CNBD1: variants seen among roughly 807,000 people sequenced by gnomAD.
CNBD1 encodes cyclic nucleotide binding domain containing 1.
CNBD1 carries 71 observed loss-of-function variants against 54.4 expected under a neutral mutation model. The observed-to-expected ratio is 1.30, with a 90% CI of 1.08 to 1.59. The LOEUF (loss-of-function observed/expected upper bound fraction) is 1.59, where lower values mean the gene tolerates loss of function less well. Ranked by LOEUF, CNBD1 falls within the 40% of genes most tolerant of loss-of-function variation. The probability of loss-of-function intolerance (pLI) is 0.00; values close to 1 mark genes in which losing one functional copy is unlikely to be tolerated. For missense variants in CNBD1, 659 were observed against 518.0 expected (o/e 1.27, Z -2.64); for synonymous variants, 182 against 170.7 (o/e 1.07, Z -0.51).
chr8:87,325,795 C>T (rs1809654847), intron 8 of CNBD1, among the ~76,000 whole-genome samples: 1 of 149,248 alleles, frequency 6.7e-6, no homozygotes, highest in Non-Finnish European at 1.5e-5. Flanking sequence ...AGCATTTAGT[C>T]CATTTACATT....
intron 4 of CNBD1, among the ~76,000 whole-genome samples, chr8:87,064,499 T>C (rs1362586875): frequency 6.6e-6 from 1 of 151,940 alleles, no homozygotes; most frequent in Non-Finnish European, 1.5e-5. Flanking sequence ...GAATTACATG[T>C]TACTTTTCTG....
intron 6 of CNBD1, among the ~76,000 whole-genome samples, chr8:87,242,335 C>A (rs991323068): frequency 1.3e-5 from 2 of 152,086 alleles, no homozygotes; most frequent in African/African-American, 4.8e-5. Context: ...AATCTGGCAC[C>A]TTTTTAAGTC....
chr8:87,303,007 A>G (rs1356166359), intron 8 of CNBD1, among the ~76,000 whole-genome samples: 9 of 151,744 alleles, frequency 5.9e-5, no homozygotes, highest in Non-Finnish European at 1.0e-4. Context: ...AAATGGAAGA[A>G]CATTCCATGC....
At chr8:86,890,361 G>A (rs947274129) in intron 2 of CNBD1, among the ~76,000 whole-genome samples, 2 of 152,044 alleles carry the variant, frequency 1.3e-5, no homozygotes, top group African/African-American at 4.8e-5. Context: ...TTCGGTGCCT[G>A]CTCTATCTTA....
At chr8:87,289,300 C>T (rs1323937501) in intron 8 of CNBD1, among the ~76,000 whole-genome samples, 1 of 152,116 alleles carries the variant, frequency 6.6e-6, no homozygotes, top group Non-Finnish European at 1.5e-5. Context: ...TAACTTCTTA[C>T]ATCTTCCTAC....
At chr8:87,295,535 G>A (rs1473663220) in intron 8 of CNBD1, among the ~76,000 whole-genome samples, 1 of 151,856 alleles carries the variant, frequency 6.6e-6, no homozygotes, top group Non-Finnish European at 1.5e-5. Context: ...TTTTAATAAT[G>A]GAACACTCAT....
intron 4 of CNBD1, among the ~76,000 whole-genome samples, chr8:86,948,516 T>C (rs753685045): frequency 3.3e-5 from 5 of 152,220 alleles, no homozygotes; most frequent in Non-Finnish European, 5.9e-5. Flanking sequence ...TCAATGATTT[T>C]GAACATCTTT....
intron 1 of CNBD1, among the ~76,000 whole-genome samples, chr8:86,878,257 T>G (rs1808554881): frequency 6.6e-6 from 1 of 152,180 alleles, no homozygotes; most frequent in Non-Finnish European, 1.5e-5. Flanking sequence ...GAGCATATTG[T>G]GCTTAGGTTC....
At chr8:86,984,964 G>A (rs1272770455) in intron 4 of CNBD1, among the ~76,000 whole-genome samples, 3 of 152,008 alleles carry the variant, frequency 2.0e-5, no homozygotes, top group Non-Finnish European at 4.4e-5. Context: ...GGGTCGGGGT[G>A]GAATGACATG....
At chr8:87,332,717 A>G (rs989005492) in intron 8 of CNBD1, among the ~76,000 whole-genome samples, 3 of 151,964 alleles carry the variant, frequency 2.0e-5, no homozygotes, top group Non-Finnish European at 4.4e-5. Context: ...TGAGGTCTCT[A>G]TTATGTTTCA....
chr8:87,250,008 A>T (rs760168099), intron 6 of CNBD1, among the ~76,000 whole-genome samples: 3 of 152,198 alleles, frequency 2.0e-5, no homozygotes, highest in Non-Finnish European at 2.9e-5. Flanking sequence ...TCTGCCCAGC[A>T]AATGAAACAT....
intron 4 of CNBD1, among the ~76,000 whole-genome samples, chr8:86,997,373 A>G (rs1031537993): frequency 3.9e-5 from 6 of 152,170 alleles, no homozygotes; most frequent in Admixed American, 1.3e-4. Flanking sequence ...TAGGGTGTAC[A>G]CTAGGAGGAA....
At chr8:87,342,044 C>G (rs112523814) in intron 8 of CNBD1, among the ~76,000 whole-genome samples, 2,835 of 152,156 alleles carry the variant, frequency 0.019, 88 homozygotes, top group African/African-American at 0.062. Context: ...GAGGCCGAGG[C>G]GGGCAGATCA....
At chr8:87,031,541 G>A (rs1044347221) in intron 4 of CNBD1, among the ~76,000 whole-genome samples, 20 of 152,134 alleles carry the variant, frequency 1.3e-4, no homozygotes, top group African/African-American at 4.3e-4. Context: ...ACTCCAGGAT[G>A]ATCTCATCCA....
chr8:87,324,616 G>A (rs1809627917), intron 8 of CNBD1, among the ~76,000 whole-genome samples: 1 of 150,118 alleles, frequency 6.7e-6, no homozygotes, highest in Non-Finnish European at 1.5e-5. Context: ...ATTCTCTGAT[G>A]GTAGTTTGTA....
rs566057483 is a variant in CNBD1, at chr8:87,115,473, G to A, written c.432-90520G>A. Among the ~76,000 whole-genome samples the A allele has an allele frequency of 3.3e-5, 5 of 152,102 alleles. No individual in the cohort carries two copies. In the South Asian group the frequency reaches 1.0e-3, roughly 32 times the overall value. On this transcript the variant is annotated intron_variant, in intron 4 of 10. Coordinates refer to ENST00000518476, the MANE Select transcript of CNBD1 (RefSeq NM_173538.3). ...AATTACATAAATAAGAATGAAAATG[G>A]GCAGATTTTCAAGTTGCTCACTATT...
intron 3 of CNBD1, among the ~76,000 whole-genome samples, chr8:86,923,181 G>A (rs974346314): frequency 1.1e-4 from 17 of 152,156 alleles, no homozygotes; most frequent in African/African-American, 2.9e-4. Context: ...CCGAGCAGGC[G>A]GCTCAAGGGC....
chr8:87,294,776 G>T (rs1033786210), intron 8 of CNBD1, among the ~76,000 whole-genome samples: 1 of 151,982 alleles, frequency 6.6e-6, no homozygotes, highest in Non-Finnish European at 1.5e-5. Context: ...TTATGGGCCT[G>T]TTTACCACTT....
intron 2 of CNBD1, among the ~76,000 whole-genome samples, chr8:87,413,653 A>G (rs576475588): frequency 4.6e-5 from 7 of 152,238 alleles, no homozygotes; most frequent in Non-Finnish European, 7.4e-5. Flanking sequence ...AGAATCTACA[A>G]TGAACTCAAA....
Sources: gnomAD v4.1 joint callset for allele counts (sites outside exome capture counted in the v4.1 genomes callset) on GRCh38, gnomAD v4.1.1 for gene constraint, MANE v1.5 for transcripts, NCBI Gene and HGNC (gene_info 2026-07-23, HGNC 2026-07-21) for gene names.